NFIA: variants seen among roughly 807,000 people sequenced by gnomAD.
NFIA encodes nuclear factor 1 A-type.
A neutral mutation model predicts 62.8 loss-of-function variants in NFIA; 8 were observed. That is an observed-to-expected ratio of 0.13 (90% confidence interval 0.07 to 0.23). The LOEUF (loss-of-function observed/expected upper bound fraction) is 0.23, where lower values mean the gene tolerates loss of function less well. NFIA is among the 10% of genes least tolerant of loss of function. The pLI, the probability that NFIA is intolerant of heterozygous loss-of-function variation, is 1.00. For synonymous variants in NFIA, 235 were observed against 238.1 expected (o/e 0.99, Z 0.12); for missense variants, 410 against 642.1 (o/e 0.64, Z 3.91).
In NFIA at chr1:61,155,679, CA is replaced by C. The variant is rs35851988; in HGVS notation, c.559+67017del. On this transcript the variant is annotated intron_variant, in intron 2 of 10. Transcript: ENST00000403491. ...TGGGCGACAGAGCGAGACTCCATCT[CA>C]AAAAAAAAAAAAAAAAATCTAGAGT... Among the ~76,000 whole-genome samples, 152 of 108,640 alleles carry C rather than the reference CA, an allele frequency of 1.4e-3. 5 individuals carry two copies. The highest frequency in any genetic ancestry group is 6.3e-3 in the Middle Eastern group (1 of 160). The allele number at this position is 108,640 out of a possible 152,430, so 71.3% of individuals were successfully genotyped here. A position where few individuals can be genotyped will look rare whatever the true frequency, so the allele number is the denominator to read the frequency against.
At chr1:61,357,087 T>C (rs112141162) in intron 5 of NFIA, among the ~76,000 whole-genome samples, 1,810 of 152,356 alleles carry the variant, frequency 0.012, 16 homozygotes, top group Non-Finnish European at 0.019. Context: ...CAATATCTTC[T>C]ATAACCTCCA....
intron 2 of NFIA, among the ~76,000 whole-genome samples, chr1:61,253,251 A>G (rs1656164365): frequency 6.6e-6 from 1 of 152,204 alleles, no homozygotes; most frequent in African/African-American, 2.4e-5. Context: ...GAAGTCTGTC[A>G]GTGGGTCATA....
intron 2 of NFIA, among the ~76,000 whole-genome samples, chr1:61,095,738 T>C (rs1646400029): frequency 6.6e-6 from 1 of 152,208 alleles, no homozygotes; most frequent in African/African-American, 2.4e-5. Flanking sequence ...AGAAGCATTA[T>C]GACACAGGTT....
chr1:61,082,144 G>C, upstream of NFIA: 1 of 837,628 alleles, frequency 1.2e-6, no homozygotes, highest in South Asian at 1.5e-5. Context: ...AGCTGCCCGG[G>C]AGTACAGACT....
chr1:61,207,727 T>C (rs913959939), intron 2 of NFIA, among the ~76,000 whole-genome samples: 8 of 152,250 alleles, frequency 5.3e-5, no homozygotes, highest in African/African-American at 1.9e-4. Flanking sequence ...TGAAAAGCCT[T>C]CTCTGGTGCT....
chr1:61,226,388 C>T (rs778179524), intron 2 of NFIA, among the ~76,000 whole-genome samples: 11 of 152,188 alleles, frequency 7.2e-5, no homozygotes, highest in Non-Finnish European at 1.2e-4. Context: ...AATGTATCTG[C>T]TGTCCACATC....
At chr1:61,342,193 A>ATTT (rs113110354) in intron 4 of NFIA, among the ~76,000 whole-genome samples, 1 of 146,788 alleles carries the variant, frequency 6.8e-6, no homozygotes, top group African/African-American at 2.5e-5. Context: ...ATTGAAAACT[A>ATTT]TTTTTTTTTT....
chr1:61,418,885 T>C (rs1207075309), intron 9 of NFIA, among the ~76,000 whole-genome samples: 1 of 152,232 alleles, frequency 6.6e-6, no homozygotes, highest in East Asian at 1.9e-4. Context: ...AAGTTTCTTT[T>C]TTTAGCAAAC....
chr1:61,109,509 T>G (rs1021640034), intron 2 of NFIA, among the ~76,000 whole-genome samples: 78 of 151,858 alleles, frequency 5.1e-4, no homozygotes, highest in Non-Finnish European at 2.2e-4. Flanking sequence ...TTTTGGTGTG[T>G]TCTTTATTTT....
intron 2 of NFIA, among the ~76,000 whole-genome samples, chr1:61,116,349 G>A (rs1646793459): frequency 6.6e-6 from 1 of 152,194 alleles, no homozygotes; most frequent in Non-Finnish European, 1.5e-5. Context: ...GATTTTTAGT[G>A]CAAATATGCA....
upstream of NFIA, chr1:61,077,530 A>G: frequency 9.2e-7 from 1 of 1,088,138 alleles, no homozygotes; most frequent in South Asian, 2.9e-5. Flanking sequence ...TTCCAAGTTT[A>G]TTTAGATATT....
At chr1:61,346,709 C>T (rs1009062180) in intron 4 of NFIA, among the ~76,000 whole-genome samples, 1 of 152,146 alleles carries the variant, frequency 6.6e-6, no homozygotes, top group Non-Finnish European at 1.5e-5. Context: ...AGAATCTTAG[C>T]CCCCTTCCAT....
intron 2 of NFIA, among the ~76,000 whole-genome samples, chr1:61,259,284 A>G (rs189357088): frequency 1.3e-5 from 2 of 152,352 alleles, no homozygotes; most frequent in Non-Finnish European, 2.9e-5. Flanking sequence ...TGTTTCTGCT[A>G]GGAGATAGAA....
At chr1:61,439,890 T>C (rs192246856) in intron 10 of NFIA, among the ~76,000 whole-genome samples, 105 of 152,302 alleles carry the variant, frequency 6.9e-4, no homozygotes, top group African/African-American at 2.4e-3. Context: ...TTGTGAGGAA[T>C]TTTTGGTTAA....
chr1:61,300,267 T>C (rs1461728936), intron 3 of NFIA, among the ~76,000 whole-genome samples: 1 of 152,120 alleles, frequency 6.6e-6, no homozygotes, highest in Non-Finnish European at 1.5e-5. Flanking sequence ...TTATGCGTTA[T>C]CTCATGAGGT....
At chr1:61,373,830 C>T (rs887816483) in intron 6 of NFIA, among the ~76,000 whole-genome samples, 1 of 150,996 alleles carries the variant, frequency 6.6e-6, no homozygotes, top group Non-Finnish European at 1.5e-5. Flanking sequence ...ACATGCTGAA[C>T]AATACAAAAT....
chr1:61,078,817 G>A (rs1646062519), upstream of NFIA, among the ~76,000 whole-genome samples: 1 of 152,310 alleles, frequency 6.6e-6, no homozygotes, highest in East Asian at 1.9e-4. Context: ...ATGGAAGATC[G>A]CTGACTTGCT....
intron 2 of NFIA, among the ~76,000 whole-genome samples, chr1:61,237,228 G>A (rs1655064020): frequency 6.6e-6 from 1 of 152,178 alleles, no homozygotes; most frequent in South Asian, 2.1e-4. Flanking sequence ...ACATAGCCAT[G>A]TCGCAAGTCA....
At chr1:61,307,239 A>G (rs1038199791) in intron 3 of NFIA, among the ~76,000 whole-genome samples, 6 of 152,062 alleles carry the variant, frequency 3.9e-5, no homozygotes, top group African/African-American at 1.4e-4. Flanking sequence ...CTTTTGGGAG[A>G]CTAGGTCATG....
Sources: gnomAD v4.1 joint callset for allele counts (sites outside exome capture counted in the v4.1 genomes callset) on GRCh38, gnomAD v4.1.1 for gene constraint, MANE v1.5 for transcripts, NCBI Gene and HGNC (gene_info 2026-07-23, HGNC 2026-07-21) for gene names.